Variants in BTBD9 observed in about 807,000 individuals in gnomAD.
The protein encoded by BTBD9 is BTB/POZ domain-containing protein 9.
A neutral mutation model predicts 64.3 loss-of-function variants in BTBD9; 49 were observed. The ratio of observed to expected loss-of-function variants is 0.76; its 90% CI spans 0.61 to 0.97. BTBD9 has a LOEUF of 0.97. Among genes scored for constraint, BTBD9 ranks in the 50% least tolerant of loss-of-function variants. The probability of loss-of-function intolerance (pLI) is 0.00; values close to 1 mark genes in which losing one functional copy is unlikely to be tolerated. For missense variants in BTBD9, 598 were observed against 762.1 expected (o/e 0.78, Z 2.53); for synonymous variants, 260 against 274.7 (o/e 0.95, Z 0.53).
intron 1 of BTBD9, among the ~76,000 whole-genome samples, chr6:38,626,505 T>C (rs575770921): frequency 2.0e-5 from 3 of 152,284 alleles, no homozygotes; most frequent in South Asian, 4.1e-4. Flanking sequence ...TGATTCTCCT[T>C]TGGACCCAGA....
At chr6:38,373,122 C>T (rs558468631) in intron 6 of BTBD9, among the ~76,000 whole-genome samples, 57 of 152,246 alleles carry the variant, frequency 3.7e-4, no homozygotes, top group African/African-American at 1.1e-3. Flanking sequence ...GATACATATT[C>T]ACAAGAGATC....
intron 4 of BTBD9, among the ~76,000 whole-genome samples, chr6:38,591,367 C>T (rs1776781960): frequency 6.6e-6 from 1 of 152,220 alleles, no homozygotes; most frequent in African/African-American, 2.4e-5. Flanking sequence ...CAAGGCTCAA[C>T]TCAAGCTTCA....
At position 38,184,499 on chromosome 6, in the gene BTBD9, C is replaced by T. The variant is rs1761729472; in HGVS notation, c.1641+8020G>A. ...TGGAGTCTGAAGGCTGGAACTGGTGCTCTCTGCAGACCAGGAGCTTTTGCA... is the reference window on the plus strand; with the variant it reads ...TGGAGTCTGAAGGCTGGAACTGGTGTTCTCTGCAGACCAGGAGCTTTTGCA... On this transcript the variant is annotated intron_variant, in intron 10 of 10. Coordinates refer to ENST00000481247, the MANE Select transcript of BTBD9 (RefSeq NM_001099272.2). The surrounding 1 kb of genome is among the most constrained non-coding windows in gnomAD (Gnocchi z 4.4). 6.6e-6 allele frequency among the ~76,000 whole-genome samples: 1 copy of T among 152,148 alleles called. No homozygotes were observed. Among genetic ancestry groups the T allele is most frequent in the Admixed American group, 6.5e-5 (1 of 15,284 alleles).
Position 38,378,691 on chromosome 6 carries a change from T to C in BTBD9, c.1155-33598A>G, listed in dbSNP as rs555782477. Among the ~76,000 whole-genome samples, 31 of 151,544 alleles carry C rather than the reference T, an allele frequency of 2.0e-4. No individual in the cohort carries two copies. The South Asian group carries it at 2.5e-3, about 12-fold the overall frequency. On this transcript the variant is annotated intron_variant, in intron 6 of 10. Coordinates refer to ENST00000481247, the MANE Select transcript of BTBD9 (RefSeq NM_001099272.2). ...GAGTTCTAGATCGGCCTGACCAACATAGTGAAACCCCATCTCTACTAAAAA... is the reference window on the plus strand; with the variant it reads ...GAGTTCTAGATCGGCCTGACCAACACAGTGAAACCCCATCTCTACTAAAAA...
At chr6:38,488,177 C>A (rs993248527) in intron 6 of BTBD9, among the ~76,000 whole-genome samples, 1 of 151,780 alleles carries the variant, frequency 6.6e-6, no homozygotes, top group African/African-American at 2.4e-5. Flanking sequence ...TCTTAACCTC[C>A]TGGCTTCAAG....
chr6:38,459,453 C>T (rs1375629649), intron 6 of BTBD9, among the ~76,000 whole-genome samples: 1 of 152,190 alleles, frequency 6.6e-6, no homozygotes, highest in Non-Finnish European at 1.5e-5. Context: ...GAACATACCA[C>T]TTTCATGCTG....
At chr6:38,246,461 C>CGT (rs146032456) in intron 9 of BTBD9, among the ~76,000 whole-genome samples, 3,463 of 150,898 alleles carry the variant, frequency 0.023, 127 homozygotes, top group Admixed American at 0.095. Context: ...CGTGCACGTA[C>CGT]GTGTGTGTGT....
At chr6:38,255,541 T>G (rs1764546867) in intron 9 of BTBD9, among the ~76,000 whole-genome samples, 1 of 152,230 alleles carries the variant, frequency 6.6e-6, no homozygotes, top group African/African-American at 2.4e-5. Flanking sequence ...TGTACCATGA[T>G]GCTAGGCTGC....
intron 7 of BTBD9, among the ~76,000 whole-genome samples, chr6:38,329,529 G>C (rs1763592189): frequency 6.6e-6 from 1 of 151,848 alleles, no homozygotes; most frequent in African/African-American, 2.4e-5. Context: ...TGCCATGTTG[G>C]CCAGGCCGGT....
At chr6:38,374,260 C>A (rs1156706981) in intron 6 of BTBD9, among the ~76,000 whole-genome samples, 1 of 66,294 alleles carries the variant, frequency 1.5e-5, no homozygotes, top group Admixed American at 1.8e-4. Context: ...CAGAGTGAGG[C>A]CTTGTGTCGA....
chr6:38,190,743 T>C (rs1321220525), intron 10 of BTBD9, among the ~76,000 whole-genome samples: 2 of 152,162 alleles, frequency 1.3e-5, no homozygotes, highest in African/African-American at 4.8e-5. Context: ...AGCTCTGTAA[T>C]GGGAAATCAT....
At chr6:38,604,919 G>A (rs1777378008) in intron 1 of BTBD9, among the ~76,000 whole-genome samples, 1 of 152,166 alleles carries the variant, frequency 6.6e-6, no homozygotes, top group Admixed American at 6.5e-5. Flanking sequence ...GCCCAGGCTA[G>A]ACTCTTAGGC....
intron 9 of BTBD9, among the ~76,000 whole-genome samples, chr6:38,201,490 T>C (rs142676670): frequency 5.2e-4 from 79 of 152,300 alleles, no homozygotes; most frequent in Non-Finnish European, 9.7e-4. Flanking sequence ...AACATCGTAC[T>C]GAATGGGGAA....
chr6:38,368,471 A>G (rs1765279652), intron 6 of BTBD9, among the ~76,000 whole-genome samples: 1 of 151,842 alleles, frequency 6.6e-6, no homozygotes. Context: ...AGTAGCTGGG[A>G]TTATAGGTGC....
At chr6:38,368,948 A>C (rs1428432693) in intron 6 of BTBD9, among the ~76,000 whole-genome samples, 1 of 152,150 alleles carries the variant, frequency 6.6e-6, no homozygotes, top group Non-Finnish European at 1.5e-5. Flanking sequence ...TAGACACTTC[A>C]ATTTCAATTG....
intron 6 of BTBD9, among the ~76,000 whole-genome samples, chr6:38,555,708 C>T (rs994069108): frequency 3.3e-5 from 5 of 152,216 alleles, no homozygotes; most frequent in African/African-American, 9.6e-5. Context: ...GAAATGCTTA[C>T]CATGTCATCA....
In BTBD9 at chr6:38,375,942, G is replaced by GAAA. The variant is rs1562098258; in HGVS notation, c.1155-30850_1155-30849insTTT. 9.4e-3 allele frequency among the ~76,000 whole-genome samples: 247 copies of GAAA among 26,174 alleles called. 4 individuals carry two copies. The highest frequency in any genetic ancestry group is 0.053 in the East Asian group (24 of 456). 17.2% of individuals were successfully genotyped at this position (26,174 alleles called of 152,430 possible). On this transcript the variant is annotated intron_variant, in intron 6 of 10. Coordinates refer to ENST00000481247, the MANE Select transcript of BTBD9 (RefSeq NM_001099272.2). Reference sequence around the variant, plus strand: ...AAGAAAGAAAGAAAGAAAGAAAGAAGGAAAGAAGGAAAGAAAGAAAGAAAA... The same window carrying GAAA: ...AAGAAAGAAAGAAAGAAAGAAAGAAGAAAGAAAGAAGGAAAGAAAGAAAGAAAA...
chr6:38,328,775 G>A (rs1452933953), intron 7 of BTBD9, among the ~76,000 whole-genome samples: 2 of 151,788 alleles, frequency 1.3e-5, no homozygotes, highest in Admixed American at 6.6e-5. Context: ...GTGAAACCCC[G>A]TCTCCATTAA....
intron 6 of BTBD9, among the ~76,000 whole-genome samples, chr6:38,563,914 T>A (rs1018123745): frequency 4.0e-5 from 6 of 151,870 alleles, no homozygotes; most frequent in Admixed American, 3.3e-4. Flanking sequence ...CCCGAGTAGC[T>A]GGGACTACAG....
Sources: gnomAD v4.1 joint callset for allele counts (sites outside exome capture counted in the v4.1 genomes callset) on GRCh38, gnomAD v4.1.1 for gene constraint, Gnocchi (gnomAD v3.1) non-coding constraint, MANE v1.5 for transcripts, NCBI Gene and HGNC (gene_info 2026-07-23, HGNC 2026-07-21) for gene names.